Variants in MAP4 observed in about 807,000 individuals in gnomAD.
The protein encoded by MAP4 is microtubule-associated protein 4.
MAP4 carries 76 observed loss-of-function variants against 170.2 expected under a neutral mutation model. The observed-to-expected ratio is 0.45, with a 90% CI of 0.37 to 0.54. MAP4 has a LOEUF of 0.54. MAP4 is among the 20% of genes least tolerant of loss of function. MAP4 has a pLI of 0.00. For synonymous variants in MAP4, 909 were observed against 994.5 expected (o/e 0.91, Z 1.62); for missense variants, 2,506 against 2,748.0 (o/e 0.91, Z 1.97).
chr3:47,893,218 T>C (rs898414010), intron 10 of MAP4, among the ~76,000 whole-genome samples: 3 of 152,196 alleles, frequency 2.0e-5, no homozygotes, highest in African/African-American at 7.2e-5. Context: ...AAAGGGTTCA[T>C]TTAAAGACTT....
intron 1 of MAP4, among the ~76,000 whole-genome samples, chr3:48,086,849 G>T (rs1192735719): frequency 6.6e-6 from 1 of 152,108 alleles, no homozygotes; most frequent in African/African-American, 2.4e-5. Context: ...ATCAGTCTCT[G>T]GTGAGTTTGT....
At chr3:48,040,435 A>AT (rs948613895) in intron 1 of MAP4, among the ~76,000 whole-genome samples, 25 of 150,252 alleles carry the variant, frequency 1.7e-4, no homozygotes, top group Non-Finnish European at 3.3e-4. Context: ...TGCCCAACTA[A>AT]TTTTTTTTTA....
At chr3:47,906,571 T>A (rs1011691469) in intron 9 of MAP4, among the ~76,000 whole-genome samples, 1 of 151,430 alleles carries the variant, frequency 6.6e-6, no homozygotes, top group African/African-American at 2.4e-5. Context: ...TAATCCCAGC[T>A]ACTCGGGAGG....
intron 5 of MAP4, 111 bp downstream of exon 5, chr3:47,921,654 C>CT: frequency 1.6e-6 from 1 of 642,332 alleles, no homozygotes. Context: ...ACTTTGGTCT[C>CT]TTTTTTCTTG....
intron 1 of MAP4, among the ~76,000 whole-genome samples, chr3:48,024,330 A>T (rs987342818): frequency 8.5e-5 from 13 of 152,234 alleles, no homozygotes; most frequent in South Asian, 2.1e-4. Context: ...AATAAATAAA[A>T]AAATTTTAAA....
intron 8 of MAP4, among the ~76,000 whole-genome samples, chr3:47,913,327 G>A (rs541414972): frequency 3.2e-4 from 49 of 152,184 alleles, no homozygotes; most frequent in Non-Finnish European, 5.9e-4. Flanking sequence ...GTAAATAGTG[G>A]ATTTCATTCT....
intron 9 of MAP4, among the ~76,000 whole-genome samples, chr3:47,903,482 G>A (rs777534261): frequency 4.3e-4 from 64 of 150,108 alleles, no homozygotes; most frequent in Non-Finnish European, 2.7e-4. Flanking sequence ...GCAGTGAGCC[G>A]AGATCGCGCC....
intron 7 of MAP4, 64 bp from the exon 8 acceptor site, chr3:47,915,003 G>C (rs1476965757): frequency 6.2e-6 from 10 of 1,600,694 alleles, no homozygotes; most frequent in African/African-American, 4.0e-5. Context: ...TTTTCCATCT[G>C]CCAGAAATTG....
chr3:48,080,155 G>C (rs1242687944), intron 1 of MAP4, among the ~76,000 whole-genome samples: 1 of 152,082 alleles, frequency 6.6e-6, no homozygotes, highest in Admixed American at 6.6e-5. Context: ...AGAAAAATTA[G>C]GACCACTGAA....
intron 5 of MAP4, among the ~76,000 whole-genome samples, chr3:47,921,051 G>A (rs888914442): frequency 1.3e-5 from 2 of 152,136 alleles, no homozygotes; most frequent in African/African-American, 4.8e-5. Context: ...TCAGGAGATT[G>A]AGGTGGGAGG....
intron 1 of MAP4, among the ~76,000 whole-genome samples, chr3:48,067,113 C>T (rs1197485781): frequency 2.0e-5 from 3 of 151,858 alleles, no homozygotes; most frequent in Non-Finnish European, 4.4e-5. Flanking sequence ...GTGCTGAGAT[C>T]ACAAGCGTGA....
At chr3:47,984,945 G>C (rs1191753360) in intron 2 of MAP4, among the ~76,000 whole-genome samples, 2 of 151,234 alleles carry the variant, frequency 1.3e-5, no homozygotes, top group East Asian at 3.9e-4. Flanking sequence ...CTCCAGACTG[G>C]GAGACAAAGT....
intron 10 of MAP4, among the ~76,000 whole-genome samples, chr3:47,881,794 T>TG (rs1270254287): frequency 2.6e-5 from 4 of 151,912 alleles, no homozygotes; most frequent in African/African-American, 4.8e-5. Context: ...TTTGTAGAGA[T>TG]GGGGTCTCCC....
chr3:48,029,140 G>A (rs145472360), intron 1 of MAP4, among the ~76,000 whole-genome samples: 339 of 151,602 alleles, frequency 2.2e-3, no homozygotes, highest in African/African-American at 8.0e-3. Flanking sequence ...GTGAGACTCT[G>A]TCTCAAAATT....
At chr3:47,898,639 T>C (rs556704781) in intron 10 of MAP4, among the ~76,000 whole-genome samples, 5 of 152,018 alleles carry the variant, frequency 3.3e-5, no homozygotes, top group African/African-American at 9.6e-5. Flanking sequence ...AACCCTAGTA[T>C]AGAATAATTA....
chr3:48,052,889 C>T (rs570073659), intron 1 of MAP4, among the ~76,000 whole-genome samples: 10 of 152,222 alleles, frequency 6.6e-5, no homozygotes, highest in East Asian at 1.9e-4. Flanking sequence ...AAACTGATAA[C>T]GTGTTAAATA....
At chr3:47,980,615 G>C (rs1373978849) in intron 2 of MAP4, among the ~76,000 whole-genome samples, 1 of 152,058 alleles carries the variant, frequency 6.6e-6, no homozygotes, top group South Asian at 2.1e-4. Flanking sequence ...TTAAATAAAA[G>C]AAAGAAATAA....
intron 3 of MAP4, among the ~76,000 whole-genome samples, chr3:47,952,149 C>T (rs2100064634): frequency 6.6e-6 from 1 of 151,548 alleles, no homozygotes; most frequent in Non-Finnish European, 1.5e-5. Context: ...AGCCCCTCCG[C>T]CCGGCAGCCA....
At chr3:48,050,847 G>A (rs2100127393) in intron 1 of MAP4, among the ~76,000 whole-genome samples, 1 of 151,320 alleles carries the variant, frequency 6.6e-6, no homozygotes, top group South Asian at 2.1e-4. Context: ...AGAGGTTGCG[G>A]TGAGCTGAGA....
Sources: gnomAD v4.1 joint callset for allele counts (sites outside exome capture counted in the v4.1 genomes callset) on GRCh38, gnomAD v4.1.1 for gene constraint, MANE v1.5 for transcripts, NCBI Gene and HGNC (gene_info 2026-07-23, HGNC 2026-07-21) for gene names.